CFAP221: variants seen among roughly 807,000 people sequenced by gnomAD.
The protein encoded by CFAP221 is cilia- and flagella-associated protein 221.
A neutral mutation model predicts 113.1 loss-of-function variants in CFAP221; 97 were observed. The ratio of observed to expected loss-of-function variants is 0.86; its 90% confidence interval spans 0.73 to 1.02. CFAP221 has a LOEUF of 1.02. Ranked by LOEUF, CFAP221 falls within the 50% of genes least tolerant of loss-of-function variation. The probability of loss-of-function intolerance (pLI) is 0.00; values close to 1 mark genes in which losing one functional copy is unlikely to be tolerated. For synonymous variants in CFAP221, 331 were observed against 354.4 expected (o/e 0.93, Z 0.74); for missense variants, 1,025 against 1,013.4 (o/e 1.01, Z -0.16).
intron 21 of CFAP221, among the ~76,000 whole-genome samples, chr2:119,641,998 A>G (rs1278291860): frequency 6.6e-6 from 1 of 152,222 alleles, no homozygotes; most frequent in Non-Finnish European, 1.5e-5. Context: ...GTCCTTGGAA[A>G]AAAATCTCCC....
intron 3 of CFAP221, among the ~76,000 whole-genome samples, chr2:119,553,312 C>T (rs554367849): frequency 2.8e-4 from 43 of 151,970 alleles, no homozygotes; most frequent in Non-Finnish European, 5.4e-4. Context: ...CAACAAACGG[C>T]GTATTTGGAG....
At chr2:119,576,739 A>G (rs1004673993) in intron 6 of CFAP221, among the ~76,000 whole-genome samples, 2 of 152,256 alleles carry the variant, frequency 1.3e-5, no homozygotes, top group Non-Finnish European at 2.9e-5. Flanking sequence ...TCAAAAGAAC[A>G]TAAATTATCT....
intron 6 of CFAP221, among the ~76,000 whole-genome samples, chr2:119,575,232 C>T (rs1682355552): frequency 6.6e-6 from 1 of 152,200 alleles, no homozygotes; most frequent in Non-Finnish European, 1.5e-5. Context: ...CTGCAGGATG[C>T]TTTTCATGTC....
At chr2:119,641,448 AC>A (rs200668650) in intron 21 of CFAP221, among the ~76,000 whole-genome samples, 3,705 of 152,324 alleles carry the variant, frequency 0.024, 155 homozygotes, top group African/African-American at 0.085. Flanking sequence ...ACTGGCGGGA[AC>A]AATGGCATGG....
At chr2:119,639,200 G>C (rs886661601) in intron 20 of CFAP221, among the ~76,000 whole-genome samples, 1 of 152,124 alleles carries the variant, frequency 6.6e-6, no homozygotes, top group Non-Finnish European at 1.5e-5. Flanking sequence ...CCTTATGCAC[G>C]AGTTGATCCT....
chr2:119,604,389 A>G (rs183541916), intron 8 of CFAP221, among the ~76,000 whole-genome samples: 4 of 152,018 alleles, frequency 2.6e-5, no homozygotes, highest in Admixed American at 2.0e-4. Context: ...AGTCATGATC[A>G]TGCCACTGCA....
At chr2:119,600,927 A>G in intron 7 of CFAP221, among the ~76,000 whole-genome samples, 1 of 152,226 alleles carries the variant, frequency 6.6e-6, no homozygotes. Flanking sequence ...TCTCTTCCTT[A>G]TCATTTCCAT....
At chr2:119,643,218 T>TA (rs770164308) in intron 21 of CFAP221, among the ~76,000 whole-genome samples, 2 of 152,258 alleles carry the variant, frequency 1.3e-5, no homozygotes, top group Non-Finnish European at 2.9e-5. Context: ...TCCTATTACT[T>TA]ACGAGGTTTG....
chr2:119,644,685 T>G (rs1259079391), intron 21 of CFAP221, among the ~76,000 whole-genome samples: 1 of 152,092 alleles, frequency 6.6e-6, no homozygotes, highest in African/African-American at 2.4e-5. Flanking sequence ...ACACACACAA[T>G]GTACACACAA....
intron 15 of CFAP221, among the ~76,000 whole-genome samples, chr2:119,627,152 G>A (rs759286817): frequency 1.3e-5 from 2 of 151,788 alleles, no homozygotes; most frequent in African/African-American, 2.4e-5. Flanking sequence ...GCCTGGCTCA[G>A]CCTTCCCCAT....
chr2:119,596,962 C>T (rs982441257), intron 7 of CFAP221, among the ~76,000 whole-genome samples: 2 of 152,374 alleles, frequency 1.3e-5, no homozygotes, highest in African/African-American at 4.8e-5. Context: ...TTGGGACGCT[C>T]ATCCCAGTGA....
chr2:119,651,347 G>A (rs150726877), intron 22 of CFAP221, among the ~76,000 whole-genome samples: 6 of 151,878 alleles, frequency 4.0e-5, no homozygotes, highest in African/African-American at 1.2e-4. Flanking sequence ...ATTCACTTAC[G>A]TATTTTTCTA....
chr2:119,546,240 A>G lies in CFAP221; in HGVS notation c.109A>G (p.Lys37Glu). ...KNLVEEPKKR[K>E]EVPNHLLESK... ...CCTAGTGGAGGAGCCGAAAAAAAGA[A>G]AAGAAGTACCTAATCACCTCCTAGA... Residue 37 changes from lysine (K) to glutamate (E), a missense_variant, in exon 2 of 24, where the codon AAA (lysine) becomes GAA (glutamate). Transcript: ENST00000413369. 4 of 1,535,838 alleles carry G rather than the reference A, an allele frequency of 2.6e-6. No individual in the cohort carries two copies. Among genetic ancestry groups the G allele is most frequent in the Non-Finnish European group, 3.5e-6 (4 of 1,146,752 alleles).
chr2:119,546,823 T>C (rs1680086093), intron 2 of CFAP221, among the ~76,000 whole-genome samples: 4 of 152,248 alleles, frequency 2.6e-5, no homozygotes, highest in Admixed American at 1.3e-4. Context: ...TGCCTTTTCA[T>C]GTACATATCC....
chr2:119,616,849 C>T (rs1262040794), intron 14 of CFAP221, among the ~76,000 whole-genome samples: 2 of 152,226 alleles, frequency 1.3e-5, no homozygotes, highest in Non-Finnish European at 2.9e-5. Context: ...GGGATCTCCT[C>T]GGTGCCATGT....
intron 13 of CFAP221, among the ~76,000 whole-genome samples, chr2:119,612,878 A>T (rs1434320188): frequency 1.3e-5 from 2 of 152,186 alleles, no homozygotes; most frequent in African/African-American, 4.8e-5. Flanking sequence ...CTCAGTCCAA[A>T]GTCCTATCTG....
At chr2:119,644,670 AACAC>A (rs370233294) in intron 21 of CFAP221, among the ~76,000 whole-genome samples, 3 of 151,968 alleles carry the variant, frequency 2.0e-5, no homozygotes, top group Admixed American at 6.6e-5. Context: ...GATACACACA[AACAC>A]ACACACACAA....
chr2:119,627,428 A>G (rs1686388779), intron 15 of CFAP221, among the ~76,000 whole-genome samples: 1 of 151,908 alleles, frequency 6.6e-6, no homozygotes, highest in South Asian at 2.1e-4. Flanking sequence ...AAATATTTTA[A>G]TTATGAATTA....
chr2:119,616,902 G>A (rs1035854710), intron 14 of CFAP221, among the ~76,000 whole-genome samples: 1 of 152,212 alleles, frequency 6.6e-6, no homozygotes, highest in Non-Finnish European at 1.5e-5. Flanking sequence ...TGTCACTTGT[G>A]TGTGACTTCC....
Sources: allele counts gnomAD v4.1 joint callset (sites outside exome capture counted in the v4.1 genomes callset), GRCh38; gene constraint gnomAD v4.1.1; transcripts MANE v1.5; gene names NCBI Gene and HGNC (gene_info 2026-07-23, HGNC 2026-07-21).